ADGRD1: variants seen among roughly 807,000 people sequenced by gnomAD.
ADGRD1 encodes the protein adhesion G protein-coupled receptor D1, also known as G-protein coupled receptor 133.
In ADGRD1, 77 loss-of-function variants were observed where a neutral mutation model predicts 113.4. That is an observed-to-expected ratio of 0.68 (90% CI 0.57 to 0.82). The LOEUF is 0.82. ADGRD1 is among the 40% of genes least tolerant of loss of function. ADGRD1 has a pLI of 0.00. For synonymous variants in ADGRD1, 474 were observed against 475.0 expected (o/e 1.00, Z 0.03); for missense variants, 1,036 against 1,139.1 (o/e 0.91, Z 1.30).
chr12:131,101,635 G>A (rs190630776), intron 15 of ADGRD1, among the ~76,000 whole-genome samples: 10 of 151,950 alleles, frequency 6.6e-5, no homozygotes, highest in East Asian at 1.9e-4. Flanking sequence ...TGATCTGCCC[G>A]CCTCGGCCTC....
Position 131,109,596 on chromosome 12 carries a change from A to G in ADGRD1, c.2041+719A>G, listed in dbSNP as rs77470216. Among the ~76,000 whole-genome samples the G allele has an allele frequency of 3.3e-4, 51 of 152,330 alleles. No homozygotes were observed. In the South Asian group the frequency reaches 0.01, roughly 31 times the overall value. ...TTTTATTTCATTGTGGAAAGACAACATATTTTGTATGACTTCAGTCCTTTT... is the reference window on the plus strand; with the variant it reads ...TTTTATTTCATTGTGGAAAGACAACGTATTTTGTATGACTTCAGTCCTTTT... On this transcript the variant is annotated intron_variant, in intron 18 of 24. Coordinates refer to ENST00000261654, the MANE Select transcript of ADGRD1 (RefSeq NM_198827.5).
At chr12:131,046,578 C>A (rs1882823601) in intron 13 of ADGRD1, among the ~76,000 whole-genome samples, 1 of 131,346 alleles carries the variant, frequency 7.6e-6, no homozygotes, top group South Asian at 2.6e-4. Flanking sequence ...CTGGTGAGTG[C>A]TCCCTCCCTG....
intron 14 of ADGRD1, among the ~76,000 whole-genome samples, chr12:131,080,811 G>C (rs1011095906): frequency 1.3e-5 from 2 of 151,630 alleles, no homozygotes; most frequent in South Asian, 2.1e-4. Context: ...TAGTAGAGAC[G>C]GGGTTTCACC....
At chr12:131,102,332 G>A (rs1339990441) in intron 15 of ADGRD1, among the ~76,000 whole-genome samples, 3 of 152,190 alleles carry the variant, frequency 2.0e-5, no homozygotes, top group Admixed American at 1.3e-4. Flanking sequence ...AGAATGCTGC[G>A]GTGGGAATGC....
intron 8 of ADGRD1, among the ~76,000 whole-genome samples, chr12:130,994,441 C>T (rs1423128727): frequency 6.6e-6 from 1 of 152,222 alleles, no homozygotes; most frequent in African/African-American, 2.4e-5. Context: ...CCACTTGGCA[C>T]TGGCACCCTC....
chr12:131,126,662 T>C (rs898016444), intron 20 of ADGRD1, among the ~76,000 whole-genome samples: 8 of 152,208 alleles, frequency 5.3e-5, no homozygotes, highest in African/African-American at 1.9e-4. Flanking sequence ...CACCGTGATC[T>C]TGGCCTTCAT....
intron 6 of ADGRD1, chr12:130,989,569 T>C (rs35287219): frequency 0.09 from 13,672 of 152,074 alleles, 802 homozygotes; most frequent in Middle Eastern, 0.15. Context: ...TGAAATCCAG[T>C]CTGCTCCCAG....
At position 130,966,125 on chromosome 12, in the gene ADGRD1, C is replaced by G. The variant is rs751439846; in HGVS notation, c.104-338C>G. Among the ~76,000 whole-genome samples, 4 of 152,092 alleles carry G rather than the reference C, an allele frequency of 2.6e-5. No individual in the cohort carries two copies. Among genetic ancestry groups the G allele is most frequent in the East Asian group, 3.8e-4 (2 of 5,200 alleles). ...ACTCTAAAATAATGGTAAATAACAG[C>G]GGGATATGGAACATTCTTATCTTTT... On this transcript the variant is annotated intron_variant, in intron 2 of 24. Transcript: ENST00000261654. The surrounding 1 kb of genome is among the most constrained non-coding windows in gnomAD (Gnocchi z 4.6).
intron 4 of ADGRD1, chr12:130,978,361 A>T (rs1465070364): frequency 6.6e-6 from 1 of 152,160 alleles, no homozygotes; most frequent in Admixed American, 6.5e-5. Context: ...GTCTTGTCAA[A>T]AAAGATCTTT....
chr12:131,072,996 C>G (rs199531392), intron 13 of ADGRD1, among the ~76,000 whole-genome samples: 2 of 152,210 alleles, frequency 1.3e-5, no homozygotes, highest in Non-Finnish European at 2.9e-5. Flanking sequence ...TAGTAAATCC[C>G]CACCATGTGC....
chr12:131,031,004 C>T (rs537555227), intron 13 of ADGRD1, among the ~76,000 whole-genome samples: 4 of 152,292 alleles, frequency 2.6e-5, no homozygotes, highest in East Asian at 3.9e-4. Context: ...GGGCCCCCAC[C>T]GAGGGCCGCT....
rs201456263 is a variant in ADGRD1 at position 131,122,688 on chromosome 12, CTT to C, written c.2175+1777_2175+1778del. Among the ~76,000 whole-genome samples the C allele has an allele frequency of 8.4e-3, 1,279 of 152,312 alleles. 9 individuals are homozygous for C. Among genetic ancestry groups the C allele is most frequent in the South Asian group, 0.019 (91 of 4,830 alleles). On this transcript the variant is annotated intron_variant, in intron 20 of 24. Coordinates refer to ENST00000261654, the MANE Select transcript of ADGRD1 (RefSeq NM_198827.5). ...AAGTCTCTGCTGTTCCTTGTTCTCC[CTT>C]TCTCTCTACTGACTTAAACCCTCTA...
rs1339641145 is a variant in ADGRD1 at position 131,014,208 on chromosome 12, G to A, written c.1341G>A (p.Glu447=). Residue 447 remains glutamate (E), a synonymous_variant, in exon 13 of 25, where the codon GAG becomes GAA. Transcript: ENST00000261654. ...NIWPAHTKIA[E]AMHHQDCLLF... The stretch of plus-strand genomic sequence containing the variant: ...TCCGTCTCTTCCCAAGGATCGCGGA[G>A]GCCATGCATCACCAGGACTGCCTGC... 6 of 1,613,810 alleles carry A rather than the reference G, an allele frequency of 3.7e-6. No homozygotes were observed. The highest frequency in any genetic ancestry group is 3.3e-4 in the Middle Eastern group (2 of 6,076).
At chr12:131,042,927 T>C (rs1331816504) in intron 13 of ADGRD1, among the ~76,000 whole-genome samples, 4 of 152,280 alleles carry the variant, frequency 2.6e-5, no homozygotes, top group Non-Finnish European at 5.9e-5. Context: ...CAGTGGTAAC[T>C]GTCGGATTGT....
intron 8 of ADGRD1, among the ~76,000 whole-genome samples, chr12:130,993,649 C>T (rs915076413): frequency 6.6e-6 from 1 of 152,182 alleles, no homozygotes; most frequent in Non-Finnish European, 1.5e-5. Context: ...ACACCTGCTT[C>T]CCACTGTGAC....
intron 15 of ADGRD1, among the ~76,000 whole-genome samples, chr12:131,085,849 G>A (rs543762933): frequency 5.3e-5 from 8 of 152,284 alleles, no homozygotes; most frequent in South Asian, 2.1e-4. Flanking sequence ...CGCCTCCAGC[G>A]TCTCCCGGAC....
intron 5 of ADGRD1, among the ~76,000 whole-genome samples, chr12:130,986,155 C>T (rs937111250): frequency 1.3e-5 from 2 of 152,112 alleles, no homozygotes; most frequent in African/African-American, 4.8e-5. Flanking sequence ...TGGCTCTCTT[C>T]CTTCTCCATA....
At chr12:131,128,638 C>T (rs1341132207) in intron 20 of ADGRD1, among the ~76,000 whole-genome samples, 2 of 152,134 alleles carry the variant, frequency 1.3e-5, no homozygotes, top group Non-Finnish European at 2.9e-5. Flanking sequence ...CCCTGGTTTC[C>T]ACCCTCCCTC....
Position 131,045,632 on chromosome 12 carries a change from G to A in ADGRD1, c.1474-31169G>A, listed in dbSNP as rs183104635. 5.3e-3 allele frequency among the ~76,000 whole-genome samples: 800 copies of A among 152,250 alleles called. 9 individuals carry two copies. The highest frequency in any genetic ancestry group is 0.018 in the African/African-American group (759 of 41,540). On this transcript the variant is annotated intron_variant, in intron 13 of 24. Coordinates refer to ENST00000261654, the MANE Select transcript of ADGRD1 (RefSeq NM_198827.5). ...CCTTCTTACAACAGCTGAGAGGGAT[G>A]TGGGGATTTACAGTTGGGGAAACTG... is the stretch of plus-strand genomic sequence containing the variant.
Sources: gnomAD v4.1 joint callset for allele counts (sites outside exome capture counted in the v4.1 genomes callset) on GRCh38, gnomAD v4.1.1 for gene constraint, Gnocchi (gnomAD v3.1) non-coding constraint, MANE v1.5 for transcripts, NCBI Gene and HGNC (gene_info 2026-07-23, HGNC 2026-07-21) for gene names.